The following SLC16A10 variants were observed in gnomAD, a reference collection of about 807,000 sequenced individuals.
SLC16A10 encodes the protein solute carrier family 16 member 10.
Under a neutral mutation model 40.0 loss-of-function variants are expected in SLC16A10, and 27 were observed. The ratio of observed to expected loss-of-function variants is 0.67; its 90% confidence interval spans 0.50 to 0.93. SLC16A10 has a LOEUF of 0.93. Ranked by LOEUF, SLC16A10 falls within the 40% of genes least tolerant of loss-of-function variation. The pLI, the probability that SLC16A10 is intolerant of heterozygous loss-of-function variation, is 0.00. For synonymous variants in SLC16A10, 213 were observed against 249.8 expected (o/e 0.85, Z 1.39); for missense variants, 529 against 658.2 (o/e 0.80, Z 2.15).
At chr6:111,113,029 G>C (rs976090188) in intron 1 of SLC16A10, among the ~76,000 whole-genome samples, 2 of 151,746 alleles carry the variant, frequency 1.3e-5, no homozygotes, top group Non-Finnish European at 2.9e-5. Flanking sequence ...ATGATTTGGG[G>C]GTCATTTTGT....
intron 1 of SLC16A10, among the ~76,000 whole-genome samples, chr6:111,119,389 G>A (rs935439407): frequency 3.3e-5 from 5 of 152,168 alleles, no homozygotes; most frequent in African/African-American, 1.2e-4. Flanking sequence ...GAGTGTGACT[G>A]TATTTTAGTA....
chr6:111,149,674 G>T (rs1032982758), intron 1 of SLC16A10, among the ~76,000 whole-genome samples: 1 of 152,058 alleles, frequency 6.6e-6, no homozygotes, highest in Non-Finnish European at 1.5e-5. Context: ...ACTGCTTTCA[G>T]CTCTTTTAGC....
intron 3 of SLC16A10, among the ~76,000 whole-genome samples, chr6:111,200,926 T>C (rs1384114555): frequency 4.6e-5 from 7 of 152,232 alleles, no homozygotes; most frequent in African/African-American, 1.7e-4. Context: ...CTGGTATGAA[T>C]AGCAGTGAGT....
chr6:111,129,551 A>G (rs552373027), intron 1 of SLC16A10, among the ~76,000 whole-genome samples: 10 of 152,368 alleles, frequency 6.6e-5, no homozygotes, highest in African/African-American at 2.4e-4. Flanking sequence ...TATTTTAGTG[A>G]TAAAGCTGTT....
Position 111,222,561 on chromosome 6 carries a change from G to T in SLC16A10, c.*326G>T. 4.2e-6 allele frequency: 1 copy of T among 239,990 alleles called. No individual in the cohort carries two copies. The highest frequency in any genetic ancestry group is 7.9e-6 in the Non-Finnish European group (1 of 126,748). 14.9% of individuals were successfully genotyped at this position (239,990 alleles called of 1,614,324 possible). A position where few individuals can be genotyped will look rare whatever the true frequency, so the allele number is the denominator to read the frequency against. ...TGTACAAATGTTTAAAAATACCTCA[G>T]GCTATACTGAAAGGGTTGCAGTTTG... On this transcript the variant is annotated 3_prime_UTR_variant, in exon 6 of 6. Coordinates refer to ENST00000368851, the MANE Select transcript of SLC16A10 (RefSeq NM_018593.5).
At chr6:111,114,296 T>G (rs959652211) in intron 1 of SLC16A10, among the ~76,000 whole-genome samples, 3 of 152,198 alleles carry the variant, frequency 2.0e-5, no homozygotes, top group African/African-American at 4.8e-5. Flanking sequence ...AAAAACATCA[T>G]ATCGAATGAA....
At chr6:111,098,537 A>G (rs529784271) in intron 1 of SLC16A10, among the ~76,000 whole-genome samples, 6 of 152,336 alleles carry the variant, frequency 3.9e-5, no homozygotes, top group African/African-American at 1.4e-4. Context: ...ACCAATTTTG[A>G]GATGTGTTTT....
intron 1 of SLC16A10, among the ~76,000 whole-genome samples, chr6:111,121,119 A>T (rs1224906722): frequency 6.6e-6 from 1 of 152,240 alleles, no homozygotes. Context: ...CCAGCTTCTT[A>T]TAACTCCACT....
At chr6:111,100,167 TC>T (rs373358537) in intron 1 of SLC16A10, among the ~76,000 whole-genome samples, 35 of 152,298 alleles carry the variant, frequency 2.3e-4, no homozygotes, top group African/African-American at 8.4e-4. Flanking sequence ...TATTTATGGG[TC>T]ACCTGGAAGA....
intron 5 of SLC16A10, among the ~76,000 whole-genome samples, chr6:111,221,324 A>T (rs1770889916): frequency 6.6e-6 from 1 of 152,240 alleles, no homozygotes; most frequent in Non-Finnish European, 1.5e-5. Context: ...TATAAACCTT[A>T]GTCTATTTCC....
At chr6:111,099,985 G>T (rs1325308355) in intron 1 of SLC16A10, among the ~76,000 whole-genome samples, 2 of 144,778 alleles carry the variant, frequency 1.4e-5, no homozygotes, top group Non-Finnish European at 1.5e-5. Flanking sequence ...TTGCTCCACT[G>T]CCCGCCAGCC....
intron 1 of SLC16A10, among the ~76,000 whole-genome samples, chr6:111,097,087 GTTGGGA>G (rs1244422558): frequency 1.3e-5 from 2 of 152,132 alleles, no homozygotes; most frequent in Non-Finnish European, 2.9e-5. Flanking sequence ...CTCCCAGAGT[GTTGGGA>G]TTACAGGTTT....
Position 111,218,803 on chromosome 6 carries a change from G to A in SLC16A10, c.1087-11G>A. 1 of 1,612,588 alleles carries A rather than the reference G, an allele frequency of 6.2e-7. No homozygotes were observed. The highest frequency in any genetic ancestry group is 2.2e-5 in the East Asian group (1 of 44,868). ...CTGCGAGCGGAGCTGACCTTGTGGT[G>A]TCCGTCCTAGGTACTCTCCTTTTTC... On this transcript the variant is annotated splice_polypyrimidine_tract_variant and intron_variant, in intron 4 of 5. Coordinates refer to ENST00000368851, the MANE Select transcript of SLC16A10 (RefSeq NM_018593.5).
At chr6:111,208,399 G>A (rs533308521) in intron 4 of SLC16A10, among the ~76,000 whole-genome samples, 1 of 152,140 alleles carries the variant, frequency 6.6e-6, no homozygotes, top group African/African-American at 2.4e-5. Context: ...TAGACATGGT[G>A]AAACCCCGTC....
At chr6:111,105,382 G>C (rs1215501662) in intron 1 of SLC16A10, among the ~76,000 whole-genome samples, 1 of 152,148 alleles carries the variant, frequency 6.6e-6, no homozygotes, top group Admixed American at 6.5e-5. Context: ...AGTTATCTAG[G>C]AGAGCTACTA....
At chr6:111,175,129 G>A (rs1198150756) in intron 2 of SLC16A10, among the ~76,000 whole-genome samples, 1 of 152,182 alleles carries the variant, frequency 6.6e-6, no homozygotes, top group African/African-American at 2.4e-5. Context: ...TCTGCCTTCT[G>A]AGGAAAACCT....
intron 1 of SLC16A10, among the ~76,000 whole-genome samples, chr6:111,168,538 G>T (rs546252076): frequency 2.0e-5 from 3 of 152,262 alleles, no homozygotes; most frequent in Non-Finnish European, 4.4e-5. Context: ...TATTTTTGTG[G>T]CATATATATC....
rs376943651 is a variant in SLC16A10 at position 111,199,826 on chromosome 6, T to TA, written c.943-6766_943-6765insA. On this transcript the variant is annotated intron_variant, in intron 3 of 5. Transcript: ENST00000368851. The stretch of plus-strand genomic sequence containing the variant: ...TGTTTTGTTTGTAATCCAGGGAAAT[T>TA]TAAAAAAAAAAAACAAGTAGAAATA... 3.9e-3 allele frequency among the ~76,000 whole-genome samples: 487 copies of TA among 124,420 alleles called. 4 individuals are homozygous for TA. The highest frequency in any genetic ancestry group is 0.017 in the East Asian group (87 of 5,026). The allele number at this position is 124,420 out of a possible 152,430, so 81.6% of individuals were successfully genotyped here.
chr6:111,158,948 G>T (rs1462531078), intron 1 of SLC16A10, among the ~76,000 whole-genome samples: 1 of 151,418 alleles, frequency 6.6e-6, no homozygotes, highest in Admixed American at 6.6e-5. Flanking sequence ...GTGGTGGCCT[G>T]CACCTGTAGT....
Sources: gnomAD v4.1 joint callset for allele counts (sites outside exome capture counted in the v4.1 genomes callset) on GRCh38, gnomAD v4.1.1 for gene constraint, MANE v1.5 for transcripts, NCBI Gene and HGNC (gene_info 2026-07-23, HGNC 2026-07-21) for gene names.